Variants in PLA2G4D observed in about 807,000 individuals in gnomAD.
PLA2G4D encodes cytosolic phospholipase A2 delta.
Under a neutral mutation model 94.4 loss-of-function variants are expected in PLA2G4D, and 80 were observed. The observed-to-expected ratio is 0.85, with a 90% confidence interval of 0.71 to 1.02. PLA2G4D has a LOEUF of 1.02. Ranked by LOEUF, PLA2G4D falls within the 50% of genes least tolerant of loss-of-function variation. The pLI, the probability that PLA2G4D is intolerant of heterozygous loss-of-function variation, is 0.00. For missense variants in PLA2G4D, 1,050 were observed against 1,034.7 expected (o/e 1.01, Z -0.20); for synonymous variants, 438 against 440.9 (o/e 0.99, Z 0.08).
rs1566866520 is a variant in PLA2G4D, at chr15:42,090,003, C to T, written c.46-2303G>A. On this transcript the variant is annotated intron_variant, in intron 1 of 19. Transcript: ENST00000290472. ...CGATTCTCTTCACCTCTAAGATCAT[C>T]GCTAACATGGAGTGCCCAGAACATG... is the stretch of plus-strand genomic sequence containing the variant. 3.3e-5 allele frequency among the ~76,000 whole-genome samples: 5 copies of T among 152,300 alleles called. No individual in the cohort carries two copies. The South Asian group carries it at 1.0e-3, about 32-fold the overall frequency.
At chr15:42,086,077 T>A (rs1040679586) in intron 4 of PLA2G4D, 136 bp downstream of exon 4, 224 of 983,196 alleles carry the variant, frequency 2.3e-4, no homozygotes, top group Non-Finnish European at 3.1e-4. Context: ...AAAATGCAAA[T>A]CTAAAAAGGG....
rs1460591071 is a variant in PLA2G4D, at chr15:42,068,843, C to A, written c.2329G>T (p.Asp777Tyr). ...CTGAGCCGCAGCAGGCGCTCGAAGT[C>A]TTCCTCCTTGTAGGTCATGTTGGAC... Reference protein sequence around the residue: ...TLSNMTYKEEDFERLLRLSDY... With the variant: ...TLSNMTYKEEYFERLLRLSDY... The change falls in exon 20 of 20, where the codon GAC becomes TAC. Residue 777 changes from aspartate (D) to tyrosine (Y), a missense_variant. By Grantham distance (160) the Asp-to-Tyr change is radical. Coordinates refer to ENST00000290472, the MANE Select transcript of PLA2G4D (RefSeq NM_178034.4). The A allele has an allele frequency of 6.2e-6, 10 of 1,613,882 alleles. No individual in the cohort carries two copies. Among genetic ancestry groups the A allele is most frequent in the Non-Finnish European group, 8.5e-6 (10 of 1,179,998 alleles).
intron 3 of PLA2G4D, 138 bp downstream of exon 3, chr15:42,087,162 G>C: frequency 8.8e-7 from 1 of 1,141,890 alleles, no homozygotes; most frequent in Non-Finnish European, 1.3e-6. Context: ...ACACAGCACA[G>C]ACAGGCCAGG....
rs757111141 is a variant in PLA2G4D at position 42,071,109 on chromosome 15, G to A, written c.1876+14C>T. 6 of 1,597,728 alleles carry A rather than the reference G, an allele frequency of 3.8e-6. No homozygotes were observed. In the African/African-American group the frequency reaches 8.1e-5, roughly 22 times the overall value. ...CAACCTTGTGACCTAGGGACCCCTG[G>A]CCACGGCCCTGACCTGCCCAGGTGG... is the stretch of plus-strand genomic sequence containing the variant. On this transcript the variant is annotated intron_variant, in intron 17 of 19. Transcript: ENST00000290472.
intron 6 of PLA2G4D, 146 bp from the exon 7 acceptor site, chr15:42,083,925 T>G: frequency 1.3e-6 from 1 of 741,456 alleles, no homozygotes; most frequent in African/African-American, 1.7e-5. Flanking sequence ...GCAGAGGCCC[T>G]TCATCCCATT....
intron 1 of PLA2G4D, among the ~76,000 whole-genome samples, chr15:42,090,652 T>C (rs1247150331): frequency 6.6e-6 from 1 of 152,158 alleles, no homozygotes; most frequent in Non-Finnish European, 1.5e-5. Context: ...CTCAGTCCTG[T>C]GAATGCCGGC....
At chr15:42,079,791 C>T (rs760299006) in intron 12 of PLA2G4D, 32 bp from the exon 13 acceptor site, 1 of 1,582,458 alleles carries the variant, frequency 6.3e-7, no homozygotes, top group Non-Finnish European at 8.6e-7. Flanking sequence ...ACAGTAGGAG[C>T]CCGAGGCCCA....
At position 42,083,204 on chromosome 15, in the gene PLA2G4D, G is replaced by C; in HGVS notation, c.666C>G (p.Arg222=). 1 of 1,613,536 alleles carries C rather than the reference G, an allele frequency of 6.2e-7. No homozygotes were observed. The highest frequency in any genetic ancestry group is 8.5e-7 in the Non-Finnish European group (1 of 1,179,742). Residue 222 remains arginine (R), a synonymous_variant, in exon 8 of 20, where the codon CGC becomes CGG. Transcript: ENST00000290472. ...GTCTAGAGCCAAGACCCACCCTCAG[G>C]CGCCCGCTCAGCTCTGTCTCTAGGG... ...MAALETELSG[R]LRSSRSNGWN... is the part of the protein sequence containing the mutation.
intron 1 of PLA2G4D, among the ~76,000 whole-genome samples, chr15:42,088,690 T>C (rs1216662624): frequency 6.6e-6 from 1 of 152,184 alleles, no homozygotes; most frequent in Non-Finnish European, 1.5e-5. Flanking sequence ...CTGTTGGCCT[T>C]GCATCCTCTT....
chr15:42,094,429 C>T lies in PLA2G4D; in HGVS notation c.31G>A (p.Gly11Ser). 6.2e-7 allele frequency: 1 copy of T among 1,614,102 alleles called. No homozygotes were observed. The highest frequency in any genetic ancestry group is 8.5e-7 in the Non-Finnish European group (1 of 1,179,988). MESLSPGGPP[G>S]HPYQGEASTC... The stretch of plus-strand genomic sequence containing the variant: ...GACACTGTTACCTGGTAAGGGTGGC[C>T]AGGTGGTCCCCCAGGTGACAGGCTC... Residue 11 changes from glycine (G) to serine (S), a missense_variant, in exon 1 of 20, where the codon GGC (glycine) becomes AGC (serine). Gly to Ser is a moderately conservative substitution (Grantham distance 56). Transcript: ENST00000290472.
rs780745838 is a variant in PLA2G4D, at chr15:42,079,549, C to T, written c.1305G>A (p.Met435Ile). Reference protein sequence around the residue: ...VDLWALVLESMLHGQVMDQKL... With the variant: ...VDLWALVLESILHGQVMDQKL... ...GCAGGCGCCCTACCTGGCCGTGCAG[C>T]ATGGACTCCAGCACTAGCGCCCACA... is the stretch of plus-strand genomic sequence containing the variant. Residue 435 changes from methionine to isoleucine, a missense_variant, in exon 13 of 20, where the codon ATG becomes ATA. Coordinates refer to ENST00000290472, the MANE Select transcript of PLA2G4D (RefSeq NM_178034.4). 11 of 1,604,822 alleles carry T rather than the reference C, an allele frequency of 6.9e-6. No homozygotes were observed. Among genetic ancestry groups the T allele is most frequent in the Non-Finnish European group, 9.3e-6 (11 of 1,178,082 alleles).
In PLA2G4D at chr15:42,069,888, G is replaced by A; in HGVS notation, c.2230+21C>T. 5 of 1,396,684 alleles carry A rather than the reference G, an allele frequency of 3.6e-6. No individual in the cohort carries two copies. The South Asian group carries it at 8.6e-5, about 24-fold the overall frequency. 86.5% of individuals were successfully genotyped at this position (1,396,684 alleles called of 1,614,324 possible). The stretch of plus-strand genomic sequence containing the variant: ...CTCTGAGGGGCCAGGCAGCCTGGGT[G>A]CTTGGGAGGGGCTGCCTCACCGGGG... On this transcript the variant is annotated intron_variant, in intron 19 of 19. Transcript: ENST00000290472.
intron 1 of PLA2G4D, among the ~76,000 whole-genome samples, chr15:42,088,517 C>T (rs950936309): frequency 3.3e-5 from 5 of 152,324 alleles, no homozygotes; most frequent in Admixed American, 6.5e-5. Context: ...GGCACTGCCA[C>T]GATCAGGAGG....
chr15:42,083,887 G>T, intron 6 of PLA2G4D, 108 bp from the exon 7 acceptor site: 1 of 1,082,450 alleles, frequency 9.2e-7, no homozygotes, highest in Non-Finnish European at 1.4e-6. Flanking sequence ...CACACAAGGA[G>T]TTGTGTGGGC....
intron 1 of PLA2G4D, among the ~76,000 whole-genome samples, chr15:42,093,980 A>G (rs570849710): frequency 2.4e-4 from 36 of 152,218 alleles, no homozygotes; most frequent in African/African-American, 7.9e-4. Context: ...TCTTGGGCCT[A>G]CTAAATACTT....
intron 16 of PLA2G4D, 63 bp downstream of exon 16, chr15:42,071,381 C>A: frequency 6.4e-7 from 1 of 1,568,334 alleles, no homozygotes; most frequent in Non-Finnish European, 8.7e-7. Context: ...AGACACCGCA[C>A]ACCGCAAGCA....
In PLA2G4D at chr15:42,087,355, G is replaced by A. The variant is rs763395966; in HGVS notation, c.200C>T (p.Thr67Ile). Residue 67 changes from threonine (T) to isoleucine (I), a missense_variant, in exon 3 of 20, where the codon ACC becomes ATC. Coordinates refer to ENST00000290472, the MANE Select transcript of PLA2G4D (RefSeq NM_178034.4). Reference protein sequence around the residue: ...MKFKTKTLTDTSHPVWNEAFR... With the variant: ...MKFKTKTLTDISHPVWNEAFR... Reference sequence around the variant, plus strand: ...GGCCTCATTCCACACAGGATGACTGGTGTCGGTGAGCGTCTTGGTCTTAAA... The same window carrying A: ...GGCCTCATTCCACACAGGATGACTGATGTCGGTGAGCGTCTTGGTCTTAAA... The A allele has an allele frequency of 2.8e-5, 45 of 1,614,076 alleles. No individual in the cohort carries two copies. Among genetic ancestry groups the A allele is most frequent in the Non-Finnish European group, 3.6e-5 (43 of 1,180,038 alleles).
At chr15:42,088,738 C>T (rs1039052354) in intron 1 of PLA2G4D, among the ~76,000 whole-genome samples, 3 of 152,100 alleles carry the variant, frequency 2.0e-5, no homozygotes, top group Non-Finnish European at 4.4e-5. Flanking sequence ...CTATGAGGCA[C>T]GTGGCCCCAG....
chr15:42,080,936 C>A, intron 12 of PLA2G4D, 61 bp downstream of exon 12: 2 of 1,568,916 alleles, frequency 1.3e-6, no homozygotes, highest in Non-Finnish European at 1.7e-6. Flanking sequence ...CCCTCTGGTG[C>A]CCACTCTGCC....
Sources: gnomAD v4.1 joint callset for allele counts (sites outside exome capture counted in the v4.1 genomes callset) on GRCh38, gnomAD v4.1.1 for gene constraint, MANE v1.5 for transcripts, NCBI Gene and HGNC (gene_info 2026-07-23, HGNC 2026-07-21) for gene names.